Variants in ST8SIA6 observed in about 807,000 individuals in gnomAD.
The protein encoded by ST8SIA6 is alpha-2,8-sialyltransferase 8F.
Under a neutral mutation model 33.6 loss-of-function variants are expected in ST8SIA6, and 39 were observed. That is an observed-to-expected ratio of 1.16 (90% confidence interval 0.90 to 1.52). The LOEUF is 1.52. Among genes scored for constraint, ST8SIA6 ranks in the 40% most tolerant of loss-of-function variants. ST8SIA6 has a pLI of 0.00. For missense variants in ST8SIA6, 441 were observed against 443.8 expected (o/e 0.99, Z 0.06); for synonymous variants, 172 against 167.2 (o/e 1.03, Z -0.22).
At position 17,320,820 on chromosome 10, in the gene ST8SIA6, ACATTGTTAATCACCTACTG is replaced by A; in HGVS notation, c.*39_*57del. ...TAGCCACCTCCTTTGGTGTTTGGAG[ACATTGTTAATCACCTACTG>A]CATTATATTAAAATTATTCCCATTT... On this transcript the variant is annotated 3_prime_UTR_variant, in exon 8 of 8. Coordinates refer to ENST00000377602, the MANE Select transcript of ST8SIA6 (RefSeq NM_001004470.3). 6.4e-7 allele frequency: 1 copy of A among 1,554,550 alleles called. No individual in the cohort carries two copies. Among genetic ancestry groups the A allele is most frequent in the Non-Finnish European group, 8.8e-7 (1 of 1,136,506 alleles).
intron 2 of ST8SIA6, among the ~76,000 whole-genome samples, chr10:17,392,076 C>T (rs1850636335): frequency 6.6e-6 from 1 of 152,128 alleles, no homozygotes; most frequent in Non-Finnish European, 1.5e-5. Context: ...ATGGGTTGGG[C>T]CCACACACAG....
intron 4 of ST8SIA6, among the ~76,000 whole-genome samples, chr10:17,346,474 G>C (rs1303201440): frequency 6.6e-6 from 1 of 152,098 alleles, no homozygotes; most frequent in African/African-American, 2.4e-5. Context: ...TGCTCCTATA[G>C]TCCCAGCTAC....
intron 2 of ST8SIA6, among the ~76,000 whole-genome samples, chr10:17,418,585 G>A (rs1290202078): frequency 1.3e-5 from 2 of 152,142 alleles, no homozygotes; most frequent in East Asian, 1.9e-4. Context: ...TTTACCTACA[G>A]GGCCCTTGTT....
chr10:17,346,458 G>T (rs1266169201), intron 4 of ST8SIA6, among the ~76,000 whole-genome samples: 1 of 152,168 alleles, frequency 6.6e-6, no homozygotes, highest in Non-Finnish European at 1.5e-5. Flanking sequence ...GCTGGGCTTG[G>T]TGGCATGCTC....
intron 3 of ST8SIA6, among the ~76,000 whole-genome samples, chr10:17,388,774 C>T (rs148370572): frequency 3.9e-4 from 60 of 152,282 alleles, no homozygotes; most frequent in Middle Eastern, 3.4e-3. Context: ...AGAAGGAATT[C>T]AGTTCGTGGT....
At chr10:17,341,219 A>G (rs949635993) in intron 4 of ST8SIA6, among the ~76,000 whole-genome samples, 2 of 152,216 alleles carry the variant, frequency 1.3e-5, no homozygotes, top group Admixed American at 6.5e-5. Flanking sequence ...ATACAACTCT[A>G]TAATGTTCAA....
Position 17,381,109 on chromosome 10 carries a change from CAG to C in ST8SIA6, c.290+9420_290+9421del, listed in dbSNP as rs572443786. ...TGTTTGACTAACATAGTTATTGAAA[CAG>C]AGTTTACTCGGGTTTTTAAGGAAGA... On this transcript the variant is annotated intron_variant, in intron 3 of 7. Coordinates refer to ENST00000377602, the MANE Select transcript of ST8SIA6 (RefSeq NM_001004470.3). 1.1e-4 allele frequency among the ~76,000 whole-genome samples: 17 copies of C among 151,586 alleles called. No individual in the cohort carries two copies. In the East Asian group the frequency reaches 3.1e-3, roughly 28 times the overall value.
intron 3 of ST8SIA6, among the ~76,000 whole-genome samples, chr10:17,376,180 T>C (rs1355487408): frequency 2.0e-5 from 3 of 152,184 alleles, no homozygotes; most frequent in African/African-American, 7.2e-5. Flanking sequence ...GCAGGCTGCG[T>C]GCAGTATCCG....
chr10:17,337,074 C>G (rs986417035), intron 4 of ST8SIA6, among the ~76,000 whole-genome samples: 2 of 152,028 alleles, frequency 1.3e-5, no homozygotes, highest in Admixed American at 6.6e-5. Context: ...GTGGATTTCC[C>G]CCTAGCTGTT....
intron 4 of ST8SIA6, among the ~76,000 whole-genome samples, chr10:17,337,871 T>C (rs1588800780): frequency 6.6e-6 from 1 of 152,196 alleles, no homozygotes; most frequent in Non-Finnish European, 1.5e-5. Context: ...GCCATTTCCA[T>C]GACATCTCAG....
intron 2 of ST8SIA6, chr10:17,403,450 C>T (rs1851126566): frequency 1.3e-5 from 2 of 152,116 alleles, no homozygotes; most frequent in Admixed American, 6.6e-5. Context: ...TGGAATTCAC[C>T]CACAGTACAG....
At chr10:17,391,067 C>T (rs570424690) in intron 2 of ST8SIA6, among the ~76,000 whole-genome samples, 3 of 151,542 alleles carry the variant, frequency 2.0e-5, no homozygotes, top group South Asian at 2.1e-4. Context: ...CATGTTGGTC[C>T]GGCTGGTCTG....
intron 4 of ST8SIA6, among the ~76,000 whole-genome samples, chr10:17,331,966 A>C (rs1848317300): frequency 6.6e-6 from 1 of 152,086 alleles, no homozygotes; most frequent in South Asian, 2.1e-4. Flanking sequence ...AACAGGCACC[A>C]GTGTGAGATG....
Position 17,321,198 on chromosome 10 carries a change from T to C in ST8SIA6, c.877A>G (p.Arg293Gly), listed in dbSNP as rs1219718774. 1 of 1,614,132 alleles carries C rather than the reference T, an allele frequency of 6.2e-7. No individual in the cohort carries two copies. Among genetic ancestry groups the C allele is most frequent in the Admixed American group, 1.7e-5 (1 of 60,014 alleles). Reference sequence around the variant, plus strand: ...GGATGGAAAAATAGAACCTTTTGTCTTGCTTTAGACTCTTCGAGCGTGTAG... The same window carrying C: ...GGATGGAAAAATAGAACCTTTTGTCCTGCTTTAGACTCTTCGAGCGTGTAG... The part of the protein sequence containing the change: ...VYYTLEESKA[R>G]QKVLFFHPKY... Residue 293 changes from arginine to glycine, a missense_variant, in exon 8 of 8, where the codon AGA (arginine) becomes GGA (glycine). Arg to Gly is a moderately radical substitution (Grantham distance 125). Coordinates refer to ENST00000377602, the MANE Select transcript of ST8SIA6 (RefSeq NM_001004470.3).
chr10:17,334,056 C>G (rs1234763464), intron 4 of ST8SIA6, among the ~76,000 whole-genome samples: 1 of 151,060 alleles, frequency 6.6e-6, no homozygotes, highest in Non-Finnish European at 1.5e-5. Flanking sequence ...CTAACTGGCC[C>G]TGGATTGTAG....
chr10:17,433,503 A>T (rs1034159406), intron 2 of ST8SIA6, among the ~76,000 whole-genome samples: 1 of 152,170 alleles, frequency 6.6e-6, no homozygotes, highest in Non-Finnish European at 1.5e-5. Context: ...TTCATGATAG[A>T]CCCCAACTGA....
At chr10:17,325,808 T>C (rs971650929) in intron 6 of ST8SIA6, among the ~76,000 whole-genome samples, 2 of 152,150 alleles carry the variant, frequency 1.3e-5, no homozygotes, top group Non-Finnish European at 2.9e-5. Context: ...TCTAGAAACA[T>C]AGACAGTTAT....
chr10:17,326,920 A>T, intron 6 of ST8SIA6, 94 bp downstream of exon 6: 1 of 853,586 alleles, frequency 1.2e-6, no homozygotes, highest in Non-Finnish European at 1.7e-6. Flanking sequence ...CAGAGCTCAA[A>T]GGTGAAAATA....
intron 4 of ST8SIA6, among the ~76,000 whole-genome samples, chr10:17,345,958 G>A (rs1162793986): frequency 6.6e-6 from 1 of 152,164 alleles, no homozygotes; most frequent in East Asian, 1.9e-4. Context: ...GCTGGCCTTA[G>A]GAAGTGCTTG....
Sources: gnomAD v4.1 joint callset for allele counts (sites outside exome capture counted in the v4.1 genomes callset) on GRCh38, gnomAD v4.1.1 for gene constraint, MANE v1.5 for transcripts, NCBI Gene and HGNC (gene_info 2026-07-23, HGNC 2026-07-21) for gene names.